ANKS1B: variants seen among roughly 807,000 people sequenced by gnomAD.
ANKS1B encodes the protein ankyrin repeat and sterile alpha motif domain-containing protein 1B.
A neutral mutation model predicts 148.3 loss-of-function variants in ANKS1B; 36 were observed. The observed-to-expected ratio is 0.24, with a 90% CI of 0.19 to 0.32. The LOEUF is 0.32. ANKS1B is among the 10% of genes least tolerant of loss of function. The probability of loss-of-function intolerance (pLI) is 1.00; values close to 1 mark genes in which losing one functional copy is unlikely to be tolerated. For missense variants in ANKS1B, 1,157 were observed against 1,542.6 expected, an observed-to-expected ratio of 0.75 and a Z score of 4.19; for synonymous variants, 542 against 560.8, an observed-to-expected ratio of 0.97 and a Z score of 0.47.
intron 9 of ANKS1B, among the ~76,000 whole-genome samples, chr12:99,640,739 GGGTA>G (rs1683574571): frequency 6.6e-6 from 1 of 152,204 alleles, no homozygotes. Flanking sequence ...ACGGATGAGT[GGGTA>G]GGTAGATGGA....
chr12:98,822,474 G>GT (rs1290696386), intron 19 of ANKS1B, among the ~76,000 whole-genome samples: 3 of 152,156 alleles, frequency 2.0e-5, no homozygotes, highest in Non-Finnish European at 2.9e-5. Context: ...GGGCCTCTTT[G>GT]TGAACAAGCT....
At chr12:99,927,699 T>C (rs563191576) in intron 1 of ANKS1B, among the ~76,000 whole-genome samples, 4 of 152,206 alleles carry the variant, frequency 2.6e-5, no homozygotes, top group Non-Finnish European at 5.9e-5. Context: ...GGAGGATCAC[T>C]TGGGCCCAGG....
At chr12:99,500,228 C>A (rs556788770) in intron 10 of ANKS1B, among the ~76,000 whole-genome samples, 25 of 152,256 alleles carry the variant, frequency 1.6e-4, no homozygotes, top group African/African-American at 5.5e-4. Context: ...CTCACCAGAA[C>A]CTGACCATGC....
At chr12:99,763,027 G>T (rs924574349) in intron 8 of ANKS1B, among the ~76,000 whole-genome samples, 1 of 151,870 alleles carries the variant, frequency 6.6e-6, no homozygotes, top group Admixed American at 6.6e-5. Context: ...AAAAGGGATC[G>T]CTTAAACACT....
At chr12:99,883,613 G>GT (rs768616776) in intron 1 of ANKS1B, among the ~76,000 whole-genome samples, 2 of 132,234 alleles carry the variant, frequency 1.5e-5, no homozygotes, top group Non-Finnish European at 3.4e-5. Context: ...CATAGACTTG[G>GT]GGCAGGGGGG....
chr12:98,945,505 C>CAAAAAAAAAAAAAAAAAAAAAAAAAAA (rs3051086), intron 17 of ANKS1B, among the ~76,000 whole-genome samples: 1 of 30,294 alleles, frequency 3.3e-5, no homozygotes, highest in African/African-American at 1.1e-4. Context: ...AACAAACAAA[C>CAAAAAAAAAAAAAAAAAAAAAAAAAAA]AAAAAAAAAA....
chr12:99,027,502 T>G (rs1332228513), intron 17 of ANKS1B, among the ~76,000 whole-genome samples: 1 of 152,230 alleles, frequency 6.6e-6, no homozygotes, highest in East Asian at 1.9e-4. Context: ...GTCAAATGAC[T>G]TGATAAACAG....
chr12:98,989,243 T>C (rs529419315), intron 17 of ANKS1B, among the ~76,000 whole-genome samples: 1 of 152,330 alleles, frequency 6.6e-6, no homozygotes, highest in Non-Finnish European at 1.5e-5. Flanking sequence ...TAGTTTTGGG[T>C]CTAACATTTA....
chr12:99,124,418 A>G (rs369224983), intron 15 of ANKS1B, among the ~76,000 whole-genome samples: 99 of 149,976 alleles, frequency 6.6e-4, no homozygotes, highest in African/African-American at 1.8e-3. Flanking sequence ...ATTTGTGTGC[A>G]TGTGTGTGTG....
chr12:99,022,905 A>G (rs1198639246), intron 17 of ANKS1B, among the ~76,000 whole-genome samples: 1 of 152,122 alleles, frequency 6.6e-6, no homozygotes, highest in Non-Finnish European at 1.5e-5. Flanking sequence ...TTAAATTCCT[A>G]GTTTACTAAG....
chr12:99,528,918 T>G (rs2096959267), intron 9 of ANKS1B, among the ~76,000 whole-genome samples: 1 of 152,196 alleles, frequency 6.6e-6, no homozygotes, highest in African/African-American at 2.4e-5. Context: ...CTCTTTTGCT[T>G]TGCTTGATTT....
At chr12:99,861,262 T>C (rs1296617802) in intron 1 of ANKS1B, among the ~76,000 whole-genome samples, 1 of 152,220 alleles carries the variant, frequency 6.6e-6, no homozygotes, top group African/African-American at 2.4e-5. Context: ...TTAAATGTAA[T>C]TTGTCTAAAG....
At chr12:99,423,390 T>C (rs980574243) in intron 11 of ANKS1B, among the ~76,000 whole-genome samples, 1 of 151,968 alleles carries the variant, frequency 6.6e-6, no homozygotes, top group African/African-American at 2.4e-5. Flanking sequence ...TTGGTGGGAG[T>C]GTAAATTAGT....
chr12:99,867,462 C>G (rs934836489), intron 1 of ANKS1B, among the ~76,000 whole-genome samples: 2 of 152,168 alleles, frequency 1.3e-5, no homozygotes, highest in Non-Finnish European at 1.5e-5. Flanking sequence ...CACAGCTCCA[C>G]GTGGCTAGGA....
intron 10 of ANKS1B, among the ~76,000 whole-genome samples, chr12:99,501,729 A>C (rs1381709416): frequency 6.6e-6 from 1 of 152,158 alleles, no homozygotes; most frequent in African/African-American, 2.4e-5. Context: ...AAGCCACAGA[A>C]GTCTTGAGCA....
At chr12:99,465,401 C>G (rs550057719) in intron 10 of ANKS1B, among the ~76,000 whole-genome samples, 9 of 152,240 alleles carry the variant, frequency 5.9e-5, no homozygotes, top group Admixed American at 1.3e-4. Flanking sequence ...GCAAAATAAC[C>G]AGCTAACATC....
chr12:99,047,932 G>A (rs748510492), intron 17 of ANKS1B, among the ~76,000 whole-genome samples: 3 of 152,206 alleles, frequency 2.0e-5, no homozygotes, highest in Non-Finnish European at 4.4e-5. Context: ...GGTTACACAA[G>A]GTCCTGCAGA....
intron 17 of ANKS1B, among the ~76,000 whole-genome samples, chr12:99,034,945 A>G (rs1195152580): frequency 1.3e-5 from 2 of 152,174 alleles, no homozygotes; most frequent in African/African-American, 4.8e-5. Context: ...GATGGTCAGG[A>G]GATACCACCT....
At chr12:99,234,638 C>T (rs1383753090) in intron 14 of ANKS1B, among the ~76,000 whole-genome samples, 1 of 152,074 alleles carries the variant, frequency 6.6e-6, no homozygotes. Flanking sequence ...TATATGCCAT[C>T]GTGCATCTCT....
Sources: gnomAD v4.1 joint callset for allele counts (sites outside exome capture counted in the v4.1 genomes callset) on GRCh38, gnomAD v4.1.1 for gene constraint, MANE v1.5 for transcripts, NCBI Gene and HGNC (gene_info 2026-07-23, HGNC 2026-07-21) for gene names.